Variants in RANBP2 observed in about 807,000 individuals in gnomAD.
RANBP2 encodes E3 SUMO-protein ligase RanBP2.
Under a neutral mutation model 303.6 loss-of-function variants are expected in RANBP2, and 57 were observed. The ratio of observed to expected loss-of-function variants is 0.19; its 90% CI spans 0.15 to 0.23. The LOEUF (loss-of-function observed/expected upper bound fraction) is 0.23. RANBP2 is among the 10% of genes least tolerant of loss of function. The probability of loss-of-function intolerance (pLI) is 1.00; values close to 1 mark genes in which losing one functional copy is unlikely to be tolerated. For missense variants in RANBP2, 3,138 were observed against 3,780.8 expected, an observed-to-expected ratio of 0.83 and a Z score of 4.46; for synonymous variants, 1,167 against 1,301.5, an observed-to-expected ratio of 0.90 and a Z score of 2.23.
chr2:109,059,719 A>T, the RANBP2 span, among the ~76,000 whole-genome samples: 1 of 152,166 alleles, frequency 6.6e-6, no homozygotes, highest in Non-Finnish European at 1.5e-5. Flanking sequence ...CCACAGAGCC[A>T]CCACTCCTGC....
chr2:109,239,651 A>G, the RANBP2 span, among the ~76,000 whole-genome samples: 1 of 152,094 alleles, frequency 6.6e-6, no homozygotes, highest in Non-Finnish European at 1.5e-5. Context: ...GAGGCCGATG[A>G]AGCCACTGAT....
At chr2:109,193,200 G>A in the RANBP2 span, among the ~76,000 whole-genome samples, 3 of 152,234 alleles carry the variant, frequency 2.0e-5, no homozygotes, top group Non-Finnish European at 2.9e-5. Context: ...CAAATTGTCT[G>A]CCCTTCCTGG....
chr2:108,794,555 A>C, the RANBP2 span: 3 of 1,610,450 alleles, frequency 1.9e-6, no homozygotes, highest in African/African-American at 2.7e-5. Context: ...TTGCCAACTA[A>C]TACGACCTCA....
At chr2:109,678,069 G>A in the RANBP2 span, among the ~76,000 whole-genome samples, 9 of 152,192 alleles carry the variant, frequency 5.9e-5, no homozygotes, top group African/African-American at 2.2e-4. Flanking sequence ...GGAGATGATG[G>A]GCTTCGGAAG....
chr2:109,429,762 A>G, the RANBP2 span, among the ~76,000 whole-genome samples: 5 of 151,936 alleles, frequency 3.3e-5, no homozygotes, highest in African/African-American at 9.7e-5. Flanking sequence ...GCTGTGAAAC[A>G]TGTGCAAGAA....
the RANBP2 span, among the ~76,000 whole-genome samples, chr2:109,709,615 T>C: frequency 1.3e-5 from 2 of 152,298 alleles, no homozygotes; most frequent in Admixed American, 1.3e-4. Flanking sequence ...GTTGTAAAGA[T>C]GAAACAAGGT....
the RANBP2 span, among the ~76,000 whole-genome samples, chr2:109,489,722 G>A: frequency 2.3e-5 from 3 of 130,180 alleles, no homozygotes; most frequent in African/African-American, 2.8e-5. Flanking sequence ...AACAAGTGTC[G>A]GACAAGGTTT....
At chr2:108,780,336 G>T (rs908775120) in intron 25 of RANBP2, among the ~76,000 whole-genome samples, 2 of 147,008 alleles carry the variant, frequency 1.4e-5, no homozygotes, top group Non-Finnish European at 3.0e-5. Context: ...GGGATTACAG[G>T]CACCCGCCAC....
At chr2:109,467,316 C>T in the RANBP2 span, among the ~76,000 whole-genome samples, 1 of 152,264 alleles carries the variant, frequency 6.6e-6, no homozygotes, top group African/African-American at 2.4e-5. Context: ...AAAAAGAAAC[C>T]AGCTGCTGAT....
At chr2:109,088,413 A>T in the RANBP2 span, among the ~76,000 whole-genome samples, 1,039 of 151,362 alleles carry the variant, frequency 6.9e-3, 20 homozygotes, top group African/African-American at 0.024. Flanking sequence ...AAAAAAAAAA[A>T]AAAGAGCAGC....
chr2:109,449,951 G>T, the RANBP2 span, among the ~76,000 whole-genome samples: 1 of 152,306 alleles, frequency 6.6e-6, no homozygotes, highest in Admixed American at 6.5e-5. Context: ...TATGGGACAG[G>T]CCTGTTTCCT....
At chr2:108,942,874 T>TTTTG in the RANBP2 span, among the ~76,000 whole-genome samples, 24 of 152,138 alleles carry the variant, frequency 1.6e-4, no homozygotes, top group South Asian at 6.2e-4. Context: ...CGGGTAGGAT[T>TTTTG]TTTGTTTGTT....
chr2:109,613,391 C>T, the RANBP2 span: 6 of 326,784 alleles, frequency 1.8e-5, no homozygotes, highest in South Asian at 1.5e-4. Flanking sequence ...GGGCTTTCTC[C>T]CGGCGGCAGG....
the RANBP2 span, among the ~76,000 whole-genome samples, chr2:109,191,066 C>G: frequency 6.6e-6 from 1 of 152,036 alleles, no homozygotes; most frequent in Non-Finnish European, 1.5e-5. Flanking sequence ...CTAACCTCCT[C>G]TGTTGTATTC....
At chr2:109,114,431 T>C in the RANBP2 span, among the ~76,000 whole-genome samples, 1 of 152,194 alleles carries the variant, frequency 6.6e-6, no homozygotes, top group South Asian at 2.1e-4. Context: ...GAGGTGTTTG[T>C]AGTATTCTCT....
chr2:109,015,908 G>T, the RANBP2 span, among the ~76,000 whole-genome samples: 1 of 152,208 alleles, frequency 6.6e-6, no homozygotes, highest in Non-Finnish European at 1.5e-5. Flanking sequence ...GGAGTTGAAA[G>T]TTAGACACGG....
At chr2:108,862,969 A>G in the RANBP2 span, among the ~76,000 whole-genome samples, 3 of 152,212 alleles carry the variant, frequency 2.0e-5, no homozygotes, top group Non-Finnish European at 4.4e-5. Context: ...TAAAGATAAC[A>G]AAGAATCATC....
chr2:109,148,574 A>G, the RANBP2 span, among the ~76,000 whole-genome samples: 1 of 152,148 alleles, frequency 6.6e-6, no homozygotes, highest in Non-Finnish European at 1.5e-5. Flanking sequence ...TGAGTAATAG[A>G]CCCCATTAGA....
chr2:108,900,319 G>T, the RANBP2 span, among the ~76,000 whole-genome samples: 1 of 152,222 alleles, frequency 6.6e-6, no homozygotes, highest in African/African-American at 2.4e-5. Context: ...ACTTTGGGAG[G>T]CCAAGGCAGA....
Sources: gnomAD v4.1 joint callset for allele counts (sites outside exome capture counted in the v4.1 genomes callset) on GRCh38, gnomAD v4.1.1 for gene constraint, MANE v1.5 for transcripts, NCBI Gene and HGNC (gene_info 2026-07-23, HGNC 2026-07-21) for gene names.